PRKD3: variants seen among roughly 807,000 people sequenced by gnomAD.
PRKD3 encodes serine/threonine-protein kinase D3.
PRKD3 carries 47 observed loss-of-function variants against 99.2 expected under a neutral mutation model. That is an observed-to-expected ratio of 0.47 (90% CI 0.38 to 0.60). PRKD3 has a LOEUF of 0.60. Among genes scored for constraint, PRKD3 ranks in the 20% least tolerant of loss-of-function variants. The pLI, the probability that PRKD3 is intolerant of heterozygous loss-of-function variation, is 0.00. For missense variants in PRKD3, 1,019 were observed against 1,088.4 expected, an observed-to-expected ratio of 0.94 and a Z score of 0.90; for synonymous variants, 392 against 355.4, an observed-to-expected ratio of 1.10 and a Z score of -1.16.
intron 16 of PRKD3, 40 bp from the exon 17 acceptor site, chr2:37,256,969 T>A: frequency 6.2e-7 from 1 of 1,604,168 alleles, no homozygotes; most frequent in Non-Finnish European, 8.5e-7. Context: ...TATTATAGTG[T>A]TATATATGTA....
chr2:37,278,503 G>A (rs1166228197), intron 8 of PRKD3: 1 of 152,218 alleles, frequency 6.6e-6, no homozygotes, highest in Non-Finnish European at 1.5e-5. Context: ...TACTAATTAA[G>A]AAAATGTAAC....
intron 2 of PRKD3, among the ~76,000 whole-genome samples, chr2:37,310,783 T>A (rs938580184): frequency 6.6e-6 from 1 of 152,182 alleles, no homozygotes; most frequent in Non-Finnish European, 1.5e-5. Flanking sequence ...GAACATGGCA[T>A]GTCTGAAGCT....
intron 9 of PRKD3, 41 bp downstream of exon 9, chr2:37,277,825 C>A: frequency 6.3e-7 from 1 of 1,595,850 alleles, no homozygotes; most frequent in Non-Finnish European, 8.6e-7. Context: ...AAACTCATAA[C>A]AAAGTCTTAC....
At chr2:37,289,702 G>A (rs1426120889) in intron 4 of PRKD3, among the ~76,000 whole-genome samples, 189 bp from the exon 5 acceptor site, 1 of 152,160 alleles carries the variant, frequency 6.6e-6, no homozygotes, top group Non-Finnish European at 1.5e-5. Flanking sequence ...TGTGTAAAAA[G>A]GATAAGTCAG....
At chr2:37,276,190 G>A (rs1448885482) in intron 9 of PRKD3, among the ~76,000 whole-genome samples, 1 of 152,046 alleles carries the variant, frequency 6.6e-6, no homozygotes, top group East Asian at 1.9e-4. Context: ...TATATTTCTA[G>A]AAGTTGATTT....
intron 1 of PRKD3, among the ~76,000 whole-genome samples, chr2:37,318,695 A>G (rs896159181): frequency 9.9e-5 from 15 of 152,224 alleles, no homozygotes; most frequent in African/African-American, 3.4e-4. Context: ...GACTAAGACT[A>G]TAACAACTTT....
chr2:37,271,537 A>G (rs1377183459), intron 12 of PRKD3, among the ~76,000 whole-genome samples: 4 of 152,174 alleles, frequency 2.6e-5, no homozygotes, highest in Non-Finnish European at 4.4e-5. Flanking sequence ...CAGACTGGTA[A>G]CTGTTTGCGG....
intron 1 of PRKD3, among the ~76,000 whole-genome samples, chr2:37,323,236 T>A (rs1195813462): frequency 1.3e-5 from 2 of 148,784 alleles, no homozygotes; most frequent in African/African-American, 5.1e-5. Context: ...CTTAAAAAAT[T>A]AGTTTTAAGA....
Position 37,275,810 on chromosome 2 carries a change from C to T in PRKD3, c.1331G>A (p.Cys444Tyr). The T allele has an allele frequency of 1.9e-6, 3 of 1,608,924 alleles. No homozygotes were observed. Among genetic ancestry groups the T allele is most frequent in the Non-Finnish European group, 2.5e-6 (3 of 1,177,660 alleles). Reference sequence around the variant, plus strand: ...AGATTCATTCTGAAATAATGTTAGACATTTGCTGTCAAGTCTCCAATAATG... The same window carrying T: ...AGATTCATTCTGAAATAATGTTAGATATTTGCTGTCAAGTCTCCAATAATG... The part of the protein sequence containing the change: ...KRHYWRLDSK[C>Y]LTLFQNESGS... The change falls in exon 10 of 19, where the codon TGT (cysteine) becomes TAT (tyrosine). Residue 444 changes from cysteine (C) to tyrosine (Y), a missense_variant. This residue lies in a region of PRKD3 where 710 missense variants were observed against 692.7 expected (regional missense o/e 1.02). Coordinates refer to ENST00000234179, the MANE Select transcript of PRKD3 (RefSeq NM_005813.6).
chr2:37,265,698 G>A (rs1668791388), intron 14 of PRKD3, among the ~76,000 whole-genome samples: 1 of 152,124 alleles, frequency 6.6e-6, no homozygotes, highest in South Asian at 2.1e-4. Context: ...TAAACAATTT[G>A]AAGAGAATCT....
At chr2:37,262,551 A>G (rs1668544471) in intron 14 of PRKD3, among the ~76,000 whole-genome samples, 1 of 152,228 alleles carries the variant, frequency 6.6e-6, no homozygotes, top group Admixed American at 6.5e-5. Context: ...AATGAAACTC[A>G]AATACCCCAT....
At chr2:37,257,096 C>A (rs72863122) in intron 16 of PRKD3, among the ~76,000 whole-genome samples, 167 bp from the exon 17 acceptor site, 9,251 of 152,152 alleles carry the variant, frequency 0.061, 730 homozygotes, top group African/African-American at 0.18. Context: ...TCTCAAAAGG[C>A]AGACACATTT....
rs763141753 is a variant in PRKD3 at position 37,279,839 on chromosome 2, G to C, written c.1079C>G (p.Thr360Arg). ...NSDSSRGLDDTEEPSPPEDKM... is the reference protein window; with the variant it reads ...NSDSSRGLDDREEPSPPEDKM... The stretch of plus-strand genomic sequence containing the variant: ...ATCTTCTGGGGGTGATGGCTCTTCT[G>C]TGTCATCCAAACCCCGACTACTATC... Residue 360 changes from threonine (T) to arginine (R), a missense_variant, in exon 8 of 19, where the codon ACA (threonine) becomes AGA (arginine). Around this residue, in one of 3 missense-constraint regions of PRKD3, gnomAD observed 710 missense variants for 692.7 expected, o/e 1.02. Transcript: ENST00000234179. 65 of 1,613,320 alleles carry C rather than the reference G, an allele frequency of 4.0e-5. No individual in the cohort carries two copies. The South Asian group carries it at 6.9e-4, about 17-fold the overall frequency.
Position 37,316,230 on chromosome 2 carries a change from A to G in PRKD3, c.288+7T>C, listed in dbSNP as rs1220841153. 1.2e-6 allele frequency: 2 copies of G among 1,601,968 alleles called. No homozygotes were observed. The highest frequency in any genetic ancestry group is 1.3e-5 in the African/African-American group (1 of 74,656). On this transcript the variant is annotated splice_region_variant and intron_variant, in intron 2 of 18. Coordinates refer to ENST00000234179, the MANE Select transcript of PRKD3 (RefSeq NM_005813.6). ...TTATTTACTACTGATAATAGCACAC[A>G]CAGTACCTTTTGATAAACTATGGAG...
chr2:37,309,841 C>A (rs1230697219), intron 2 of PRKD3, among the ~76,000 whole-genome samples: 1 of 111,384 alleles, frequency 9.0e-6, no homozygotes, highest in Non-Finnish European at 1.8e-5. Context: ...AGCGAGACTC[C>A]GTCTCAAAAA....
intron 2 of PRKD3, among the ~76,000 whole-genome samples, chr2:37,313,273 C>A (rs562865366): frequency 1.3e-5 from 2 of 150,890 alleles, no homozygotes; most frequent in African/African-American, 4.9e-5. Flanking sequence ...CTATTGACAA[C>A]AGGTGGTGGG....
intron 2 of PRKD3, among the ~76,000 whole-genome samples, chr2:37,300,145 T>C (rs1291021080): frequency 1.3e-5 from 2 of 152,226 alleles, no homozygotes; most frequent in South Asian, 2.1e-4. Flanking sequence ...GATAAATGGA[T>C]ACAGAAAATG....
chr2:37,253,466 G>A (rs1312053049), intron 18 of PRKD3, 116 bp from the exon 19 acceptor site: 4 of 795,822 alleles, frequency 5.0e-6, no homozygotes, highest in Non-Finnish European at 5.8e-6. Context: ...TAATTGACAG[G>A]CGCTACTCAT....
At chr2:37,255,953 G>A (rs1404251783) in intron 17 of PRKD3, among the ~76,000 whole-genome samples, 1 of 152,192 alleles carries the variant, frequency 6.6e-6, no homozygotes. Context: ...AGTCGAGGCT[G>A]CAGTGAGCTG....
Sources: gnomAD v4.1 joint callset for allele counts (sites outside exome capture counted in the v4.1 genomes callset) on GRCh38, gnomAD v4.1.1 for gene constraint, gnomAD v4.1.1 regional missense constraint, MANE v1.5 for transcripts, NCBI Gene and HGNC (gene_info 2026-07-23, HGNC 2026-07-21) for gene names.